The following MOGAT3 variants were observed in gnomAD, a reference collection of about 807,000 sequenced individuals.
MOGAT3 encodes monoacylglycerol O-acyltransferase 3, also known as 2-acylglycerol O-acyltransferase 3.
In MOGAT3, 39 loss-of-function variants were observed where a neutral mutation model predicts 34.4. The ratio of observed to expected loss-of-function variants is 1.13; its 90% CI spans 0.88 to 1.48. The LOEUF is 1.48. Among genes scored for constraint, MOGAT3 ranks in the 40% most tolerant of loss-of-function variants. The pLI is 0.00. For synonymous variants in MOGAT3, 209 were observed against 179.2 expected (o/e 1.17, Z -1.33); for missense variants, 439 against 438.9 (o/e 1.00, Z 0.00).
intron 5 of MOGAT3, among the ~76,000 whole-genome samples, chr7:101,196,958 T>C (rs935564311): frequency 6.6e-6 from 1 of 151,708 alleles, no homozygotes; most frequent in African/African-American, 2.4e-5. Context: ...AGGTCAGGAG[T>C]TCGAGACCAC....
intron 4 of MOGAT3, 76 bp downstream of exon 4, chr7:101,198,550 G>A (rs1584240258): frequency 7.0e-7 from 1 of 1,430,794 alleles, no homozygotes; most frequent in Non-Finnish European, 9.5e-7. Context: ...TTATTATGGG[G>A]GGGGGTGGTC....
At chr7:101,198,448 C>T in intron 4 of MOGAT3, 83 bp from the exon 5 acceptor site, 1 of 1,427,584 alleles carries the variant, frequency 7.0e-7, no homozygotes, top group Non-Finnish European at 9.3e-7. Context: ...GTTCCAAGCC[C>T]CCTACCCCCA....
chr7:101,194,419 C>T (rs913689504), downstream of MOGAT3, among the ~76,000 whole-genome samples: 2 of 151,480 alleles, frequency 1.3e-5, no homozygotes, highest in African/African-American at 4.9e-5. Flanking sequence ...ATCTCTTGAC[C>T]TCGTGATCCA....
rs12674140 is a variant in MOGAT3, at chr7:101,200,730, C to T, written c.109+16G>A. On this transcript the variant is annotated intron_variant, in intron 1 of 6. Transcript: ENST00000223114. Reference sequence around the variant, plus strand: ...CCCTGGCAGACCCCAGGCACCCACGCCTCCCCAGCTCTCACCCATGAAGAG... The same window carrying T: ...CCCTGGCAGACCCCAGGCACCCACGTCTCCCCAGCTCTCACCCATGAAGAG... The T allele has an allele frequency of 0.1, 163,513 of 1,607,802 alleles. 12,539 individuals are homozygous for T. Among genetic ancestry groups the T allele is most frequent in the African/African-American group, 0.37 (27,947 of 74,750 alleles).
At chr7:101,198,489 C>G in intron 4 of MOGAT3, 124 bp from the exon 5 acceptor site, 1 of 1,323,516 alleles carries the variant, frequency 7.6e-7, no homozygotes, top group South Asian at 1.5e-5. Context: ...CCCAAATGCT[C>G]ACTGCAAGTC....
chr7:101,193,499 G>A (rs1206494722), downstream of MOGAT3, among the ~76,000 whole-genome samples: 4 of 151,984 alleles, frequency 2.6e-5, no homozygotes, highest in South Asian at 2.1e-4. Context: ...GTGCAATCTC[G>A]GCTCACTGCA....
chr7:101,200,710 G>A, intron 1 of MOGAT3, 36 bp downstream of exon 1: 4 of 1,573,248 alleles, frequency 2.5e-6, no homozygotes, highest in Non-Finnish European at 3.5e-6. Context: ...TACTCCCCTG[G>A]CAGACCCCAG....
downstream of MOGAT3, among the ~76,000 whole-genome samples, chr7:101,193,789 C>T (rs1352849038): frequency 6.6e-6 from 1 of 152,108 alleles, no homozygotes; most frequent in African/African-American, 2.4e-5. Context: ...CTGAGAATGA[C>T]CCAGGGAAGT....
intron 5 of MOGAT3, 103 bp from the exon 6 acceptor site, chr7:101,196,492 C>T: frequency 1.4e-6 from 1 of 712,518 alleles, no homozygotes; most frequent in Non-Finnish European, 2.4e-6. Context: ...CAGATGCTAC[C>T]TCCCAGGGTC....
In MOGAT3 at chr7:101,195,828, CAG is replaced by C; in HGVS notation, c.*116_*117del. On this transcript the variant is annotated 3_prime_UTR_variant, in exon 7 of 7. Coordinates refer to ENST00000223114, the MANE Select transcript of MOGAT3 (RefSeq NM_178176.4). ...TTGGCCTCCCAAAGTGCTGGGATTA[CAG>C]GCATGAGGCACTGCGCTGGGCCCAG... The C allele has an allele frequency of 8.7e-7, 1 of 1,151,084 alleles. No individual in the cohort carries two copies. Among genetic ancestry groups the C allele is most frequent in the Non-Finnish European group, 1.2e-6 (1 of 801,018 alleles). 71.3% of individuals were successfully genotyped at this position (1,151,084 alleles called of 1,614,324 possible).
downstream of MOGAT3, among the ~76,000 whole-genome samples, chr7:101,193,394 G>C (rs981650206): frequency 6.6e-6 from 1 of 152,144 alleles, no homozygotes; most frequent in Non-Finnish European, 1.5e-5. Flanking sequence ...TATCCAGGCC[G>C]AGGTTGCTCA....
Position 101,195,923 on chromosome 7 carries a change from T to C in MOGAT3, c.*23A>G. On this transcript the variant is annotated 3_prime_UTR_variant, in exon 7 of 7. Coordinates refer to ENST00000223114, the MANE Select transcript of MOGAT3 (RefSeq NM_178176.4). ...GTCTCAGTGCCTTGGGCTCAGGGGC[T>C]CAGCGAAAGGCCGCGGCCAGGCCTA... 1 of 1,613,590 alleles carries C rather than the reference T, an allele frequency of 6.2e-7. No homozygotes were observed. Among genetic ancestry groups the C allele is most frequent in the South Asian group, 1.1e-5 (1 of 91,056 alleles).
At chr7:101,198,415 C>T in intron 4 of MOGAT3, 50 bp from the exon 5 acceptor site, 2 of 1,495,568 alleles carry the variant, frequency 1.3e-6, no homozygotes, top group Non-Finnish European at 1.8e-6. Context: ...TCCACGGCAC[C>T]CCCGCCCCTC....
chr7:101,198,759 A>G lies in MOGAT3; in HGVS notation c.360T>C (p.Cys120=), dbSNP rs778787485. The change falls in exon 4 of 7, where the codon TGT becomes TGC. Residue 120 remains cysteine (C), a synonymous_variant. Transcript: ENST00000223114. ...VLGAHPHGIM[C]TGFLCNFSTE... is the part of the protein sequence containing the mutation. ...TGGAGAAATTACAGAGGAAGCCTGT[A>G]CACATGATCCCATGAGGGTGGGCGC... 3 of 1,613,948 alleles carry G rather than the reference A, an allele frequency of 1.9e-6. No homozygotes were observed. In the African/African-American group the frequency reaches 4.0e-5, roughly 22 times the overall value.
Position 101,198,796 on chromosome 7 carries a change from T to C in MOGAT3, c.323A>G (p.Asn108Ser). 1 of 1,613,744 alleles carries C rather than the reference T, an allele frequency of 6.2e-7. No individual in the cohort carries two copies. Among genetic ancestry groups the C allele is most frequent in the Middle Eastern group, 1.6e-4 (1 of 6,062 alleles). The change falls in exon 4 of 7, where the codon AAC (asparagine) becomes AGC (serine). Residue 108 changes from asparagine to serine, a missense_variant. Coordinates refer to ENST00000223114, the MANE Select transcript of MOGAT3 (RefSeq NM_178176.4). ...VKTAELPPDR[N>S]YVLGAHPHGI... ...ATGAGGGTGGGCGCCCAGCACGTAG[T>C]TCCGATCCGGGGGCAGCTCTGCTGT... is the stretch of plus-strand genomic sequence containing the variant.
At chr7:101,198,019 C>A (rs1797841238) in intron 5 of MOGAT3, among the ~76,000 whole-genome samples, 172 bp downstream of exon 5, 1 of 152,152 alleles carries the variant, frequency 6.6e-6, no homozygotes, top group Admixed American at 6.6e-5. Flanking sequence ...GTAAGCGGGC[C>A]CCATGTTTGG....
chr7:101,195,523 C>T lies in MOGAT3; in HGVS notation c.*423G>A, dbSNP rs1308256528. 2 of 151,794 alleles carry T rather than the reference C, an allele frequency of 1.3e-5. No individual in the cohort carries two copies. Among genetic ancestry groups the T allele is most frequent in the Admixed American group, 6.7e-5 (1 of 14,862 alleles). The allele number at this position is 151,794 out of a possible 1,614,324, so 9.4% of individuals were successfully genotyped here. On this transcript the variant is annotated 3_prime_UTR_variant, in exon 7 of 7. Coordinates refer to ENST00000223114, the MANE Select transcript of MOGAT3 (RefSeq NM_178176.4). Reference sequence around the variant, plus strand: ...AGCCACCACGCCCAGCCTACTACAGCTTTAACAGTCTTTTTTTTTTTTTTT... The same window carrying T: ...AGCCACCACGCCCAGCCTACTACAGTTTTAACAGTCTTTTTTTTTTTTTTT...
downstream of MOGAT3, among the ~76,000 whole-genome samples, chr7:101,192,943 T>A (rs974275689): frequency 6.6e-6 from 1 of 150,966 alleles, no homozygotes; most frequent in African/African-American, 2.4e-5. Context: ...CCAGGAGTGG[T>A]GGCAGACGCC....
Position 101,196,086 on chromosome 7 carries a change from G to A in MOGAT3, c.886C>T (p.Pro296Ser), listed in dbSNP as rs748234688. 2 of 1,610,232 alleles carry A rather than the reference G, an allele frequency of 1.2e-6. No homozygotes were observed. Among genetic ancestry groups the A allele is most frequent in the Non-Finnish European group, 1.7e-6 (2 of 1,177,980 alleles). Residue 296 changes from proline (P) to serine (S), a missense_variant, in exon 7 of 7, where the codon CCC (proline) becomes TCC (serine). Physicochemically the swap from Pro to Ser is moderately conservative, Grantham distance 74. Transcript: ENST00000223114. ...PITTVVGRPI[P>S]VPQRLHPTEE... ...GTGGGGTGGAGGCGCTGGGGGACGGGGATGGGGCGGCCCACTGCAGGGAGA... is the reference window on the plus strand; with the variant it reads ...GTGGGGTGGAGGCGCTGGGGGACGGAGATGGGGCGGCCCACTGCAGGGAGA...
Sources: allele counts gnomAD v4.1 joint callset (sites outside exome capture counted in the v4.1 genomes callset), GRCh38; gene constraint gnomAD v4.1.1; transcripts MANE v1.5; gene names NCBI Gene and HGNC (gene_info 2026-07-23, HGNC 2026-07-21).